OPHN1: variants seen among roughly 807,000 people sequenced by gnomAD.
OPHN1 encodes oligophrenin-1.
Under a neutral mutation model 60.7 loss-of-function variants are expected in OPHN1, and 11 were observed. The observed-to-expected ratio is 0.18, with a 90% CI of 0.11 to 0.30. The LOEUF (loss-of-function observed/expected upper bound fraction) is 0.30. OPHN1 is among the 10% of genes least tolerant of loss of function. The pLI is 1.00. For missense variants in OPHN1, 449 were observed against 611.0 expected, an observed-to-expected ratio of 0.73 and a Z score of 2.80; for synonymous variants, 226 against 222.6, an observed-to-expected ratio of 1.02 and a Z score of -0.14.
chrX:68,097,096 T>C (rs2077041121), intron 18 of OPHN1, 67 bp from the exon 19 acceptor site: 1 of 1,066,675 alleles, frequency 9.4e-7, no homozygotes, highest in East Asian at 3.1e-5. Flanking sequence ...CAAGACTGTT[T>C]TAGGTGCTGT....
rs181487967 is a variant in OPHN1 at position 68,284,047 on chromosome X, G to A, written c.251-930C>T. Among the ~76,000 whole-genome samples the A allele has an allele frequency of 3.4e-3, 374 of 111,332 alleles. 1 individual carries two copies. The highest frequency in any genetic ancestry group is 0.012 in the African/African-American group (360 of 30,706). ...CACCATACTCAGAAAGAGTAAACAG[G>A]AAAAAATGGAAATGTTTATTGACCT... is the stretch of plus-strand genomic sequence containing the variant. On this transcript the variant is annotated intron_variant, in intron 3 of 24. Coordinates refer to ENST00000355520, the MANE Select transcript of OPHN1 (RefSeq NM_002547.3).
intron 15 of OPHN1, among the ~76,000 whole-genome samples, chrX:68,185,681 A>AT (rs1255482076): frequency 9.0e-6 from 1 of 110,984 alleles, no homozygotes. Context: ...AGAAAAAAAA[A>AT]GAGAAAGGGA....
At chrX:68,189,130 C>T (rs1049776110) in intron 15 of OPHN1, among the ~76,000 whole-genome samples, 6 of 111,479 alleles carry the variant, frequency 5.4e-5, no homozygotes, top group Admixed American at 3.8e-4. Flanking sequence ...TTTATGGCTG[C>T]CAACCAGGCT....
At chrX:68,123,550 T>C (rs1446108776) in intron 15 of OPHN1, among the ~76,000 whole-genome samples, 3 of 111,907 alleles carry the variant, frequency 2.7e-5, no homozygotes, top group African/African-American at 9.7e-5. Context: ...CAACAAGACA[T>C]AAATGGAAAC....
Position 68,313,602 on chromosome X carries a change from A to G in OPHN1, c.155-14506T>C, listed in dbSNP as rs1039209929. Reference sequence around the variant, plus strand: ...AAATAAGCCAGGCACAGAAAGACAAATTTCACATGTTCTCACTTATTGGTG... The same window carrying G: ...AAATAAGCCAGGCACAGAAAGACAAGTTTCACATGTTCTCACTTATTGGTG... On this transcript the variant is annotated intron_variant, in intron 2 of 24. Coordinates refer to ENST00000355520, the MANE Select transcript of OPHN1 (RefSeq NM_002547.3). Among the ~76,000 whole-genome samples the G allele has an allele frequency of 2.7e-5, 3 of 111,787 alleles. No homozygotes were observed. The Admixed American group carries it at 2.9e-4, about 11-fold the overall frequency.
chrX:68,316,377 C>A lies in OPHN1; in HGVS notation c.155-17281G>T, dbSNP rs890536753. Reference sequence around the variant, plus strand: ...TAGCAGAATAGACATTCTTTTCAAGCGTCCATGATATATTACTGATATAGA... The same window carrying A: ...TAGCAGAATAGACATTCTTTTCAAGAGTCCATGATATATTACTGATATAGA... On this transcript the variant is annotated intron_variant, in intron 2 of 24. Coordinates refer to ENST00000355520, the MANE Select transcript of OPHN1 (RefSeq NM_002547.3). 9.8e-5 allele frequency among the ~76,000 whole-genome samples: 11 copies of A among 111,953 alleles called. 1 individual carries two copies. The highest frequency in any genetic ancestry group is 2.1e-4 in the Non-Finnish European group (11 of 53,232).
intron 2 of OPHN1, among the ~76,000 whole-genome samples, chrX:68,333,688 GACACACACA>G (rs2078307380): frequency 2.9e-5 from 3 of 104,305 alleles, no homozygotes; most frequent in African/African-American, 1.0e-4. Context: ...CACACACACA[GACACACACA>G]CACACACACA....
chrX:68,265,074 G>T (rs1237258520), intron 5 of OPHN1, among the ~76,000 whole-genome samples: 4 of 112,625 alleles, frequency 3.6e-5, no homozygotes, highest in Admixed American at 9.4e-5. Flanking sequence ...AAGGAGGCCT[G>T]CCTGCCTCTG....
intron 2 of OPHN1, among the ~76,000 whole-genome samples, chrX:68,407,841 TAATC>T (rs1366456623): frequency 1.8e-5 from 2 of 112,883 alleles, no homozygotes; most frequent in South Asian, 3.6e-4. Context: ...TATCAGATAA[TAATC>T]CATTACAAAA....
chrX:68,151,175 T>C (rs901483769), intron 15 of OPHN1, among the ~76,000 whole-genome samples: 1 of 112,044 alleles, frequency 8.9e-6, no homozygotes, highest in African/African-American at 3.2e-5. Context: ...ACATATACAC[T>C]TTAGATTTTG....
chrX:68,225,700 C>T (rs1439854646), intron 6 of OPHN1, among the ~76,000 whole-genome samples: 1 of 111,948 alleles, frequency 8.9e-6, no homozygotes, highest in South Asian at 3.7e-4. Flanking sequence ...GAAAGGACAT[C>T]CACACCAAAA....
intron 2 of OPHN1, among the ~76,000 whole-genome samples, chrX:68,340,308 C>A (rs767437675): frequency 8.9e-6 from 1 of 112,416 alleles, no homozygotes; most frequent in East Asian, 2.8e-4. Flanking sequence ...AAATTTAAAA[C>A]CTTACTACAC....
intron 20 of OPHN1, among the ~76,000 whole-genome samples, chrX:68,072,718 C>T (rs893957188): frequency 1.8e-5 from 2 of 111,929 alleles, no homozygotes; most frequent in African/African-American, 6.5e-5. Context: ...TATTTCTTCA[C>T]TTATCTATGT....
intron 19 of OPHN1, among the ~76,000 whole-genome samples, chrX:68,088,765 C>G (rs1231227840): frequency 3.6e-5 from 4 of 110,366 alleles, no homozygotes; most frequent in Non-Finnish European, 5.7e-5. Context: ...TGAAGTATGT[C>G]TAATTATTGG....
chrX:68,107,929 C>T (rs1398412507), intron 18 of OPHN1, among the ~76,000 whole-genome samples: 1 of 111,957 alleles, frequency 8.9e-6, no homozygotes, highest in Non-Finnish European at 1.9e-5. Flanking sequence ...TTCCTCAATA[C>T]TCTTGCCCAA....
intron 2 of OPHN1, among the ~76,000 whole-genome samples, chrX:68,353,293 G>A (rs1392660282): frequency 9.3e-6 from 1 of 108,067 alleles, no homozygotes; most frequent in Non-Finnish European, 1.9e-5. Context: ...AGTAGGCCGG[G>A]CATGGTGGCT....
intron 2 of OPHN1, among the ~76,000 whole-genome samples, chrX:68,341,971 T>G (rs1286540386): frequency 5.8e-5 from 5 of 86,427 alleles, no homozygotes; most frequent in African/African-American, 3.4e-4. Context: ...TTTTGGTGTT[T>G]TTTTTTTTTT....
intron 4 of OPHN1, among the ~76,000 whole-genome samples, chrX:68,277,980 G>A (rs2078000381): frequency 8.9e-6 from 1 of 111,773 alleles, no homozygotes; most frequent in Non-Finnish European, 1.9e-5. Context: ...AAAGGGGATT[G>A]TCCTGCATAA....
chrX:68,102,323 C>T (rs149996483), intron 18 of OPHN1, among the ~76,000 whole-genome samples: 5 of 111,804 alleles, frequency 4.5e-5, no homozygotes, highest in East Asian at 2.8e-4. Context: ...CCTTTGAAAC[C>T]AATGAGAACA....
Sources: gnomAD v4.1 joint callset for allele counts (sites outside exome capture counted in the v4.1 genomes callset) on GRCh38, gnomAD v4.1.1 for gene constraint, MANE v1.5 for transcripts, NCBI Gene and HGNC (gene_info 2026-07-23, HGNC 2026-07-21) for gene names.